PTPN4: variants seen among roughly 807,000 people sequenced by gnomAD.
PTPN4 encodes protein tyrosine phosphatase non-receptor type 4, also known as tyrosine-protein phosphatase non-receptor type 4.
A neutral mutation model predicts 135.5 loss-of-function variants in PTPN4; 49 were observed. The observed-to-expected ratio is 0.36, with a 90% CI of 0.29 to 0.46. The LOEUF (loss-of-function observed/expected upper bound fraction) is 0.46, where lower values mean the gene tolerates loss of function less well. PTPN4 is among the 20% of genes least tolerant of loss of function. PTPN4 has a pLI of 1.00. For synonymous variants in PTPN4, 333 were observed against 369.9 expected, an observed-to-expected ratio of 0.90 and a Z score of 1.14; for missense variants, 860 against 1,101.0, an observed-to-expected ratio of 0.78 and a Z score of 3.10.
At chr2:119,832,482 A>G (rs1677233763) in intron 2 of PTPN4, among the ~76,000 whole-genome samples, 1 of 151,924 alleles carries the variant, frequency 6.6e-6, no homozygotes, top group African/African-American at 2.4e-5. Flanking sequence ...TTTTTCTGAG[A>G]AAGTTTCTCC....
At chr2:119,879,891 CT>C (rs902003624) in intron 5 of PTPN4, among the ~76,000 whole-genome samples, 4 of 151,854 alleles carry the variant, frequency 2.6e-5, no homozygotes, top group Non-Finnish European at 5.9e-5. Context: ...TGAAAGTTGA[CT>C]CTGTTTGGTA....
chr2:119,783,924 G>A lies in PTPN4; in HGVS notation c.-18+23540G>A, dbSNP rs544815085. Reference sequence around the variant, plus strand: ...TCTGCTTGCTCATTGGCAATGGCTGGGGGTTGGAACACTTGGAGGTGGGGG... The same window carrying A: ...TCTGCTTGCTCATTGGCAATGGCTGAGGGTTGGAACACTTGGAGGTGGGGG... On this transcript the variant is annotated intron_variant, in intron 1 of 26. Transcript: ENST00000263708. Among the ~76,000 whole-genome samples, 6 of 152,304 alleles carry A rather than the reference G, an allele frequency of 3.9e-5. No individual in the cohort carries two copies. The South Asian group carries it at 1.2e-3, about 32-fold the overall frequency.
chr2:119,760,159 T>G lies in PTPN4; in HGVS notation c.-243T>G, dbSNP rs565593429. ...CAGGGAGGTAGGAGAGGTCGCCGGCTGCCCGCCTCCCTGCCACCTCCCCAG... is the reference window on the plus strand; with the variant it reads ...CAGGGAGGTAGGAGAGGTCGCCGGCGGCCCGCCTCCCTGCCACCTCCCCAG... On this transcript the variant is annotated 5_prime_UTR_variant, in exon 1 of 27. Coordinates refer to ENST00000263708, the MANE Select transcript of PTPN4 (RefSeq NM_002830.4). 30 of 393,064 alleles carry G rather than the reference T, an allele frequency of 7.6e-5. No individual in the cohort carries two copies. Among genetic ancestry groups the G allele is most frequent in the Middle Eastern group, 1.3e-3 (2 of 1,556 alleles). The allele number at this position is 393,064 out of a possible 1,614,324, so 24.3% of individuals were successfully genotyped here.
At chr2:119,880,469 G>A (rs1678054524) in intron 5 of PTPN4, among the ~76,000 whole-genome samples, 2 of 149,462 alleles carry the variant, frequency 1.3e-5, no homozygotes, top group Non-Finnish European at 1.5e-5. Context: ...TCACTCTGTC[G>A]CCTAGGCTGG....
intron 13 of PTPN4, among the ~76,000 whole-genome samples, chr2:119,928,297 C>T (rs982675766): frequency 6.6e-6 from 1 of 151,986 alleles, no homozygotes; most frequent in African/African-American, 2.4e-5. Context: ...TCCCTGCCTC[C>T]AGAGTAGGAG....
In PTPN4 at chr2:119,765,004, G is replaced by A. The variant is rs986918028; in HGVS notation, c.-18+4620G>A. ...AGTCAAATCTGGTGTGGAATCTAGC[G>A]TCAAAAACCTCGGGCAAACTGTCTG... On this transcript the variant is annotated intron_variant, in intron 1 of 26. Coordinates refer to ENST00000263708, the MANE Select transcript of PTPN4 (RefSeq NM_002830.4). Among the ~76,000 whole-genome samples the A allele has an allele frequency of 6.6e-5, 10 of 152,178 alleles. No homozygotes were observed. In the South Asian group the frequency reaches 8.3e-4, roughly 13 times the overall value.
intron 2 of PTPN4, among the ~76,000 whole-genome samples, chr2:119,812,056 A>C (rs1231541859): frequency 1.3e-5 from 2 of 152,174 alleles, no homozygotes. Flanking sequence ...TATTTATGAA[A>C]AATTGCTGGT....
At chr2:119,809,003 G>GT (rs1457918788) in intron 1 of PTPN4, among the ~76,000 whole-genome samples, 1 of 152,014 alleles carries the variant, frequency 6.6e-6, no homozygotes, top group African/African-American at 2.4e-5. Context: ...AGTTTAGTGT[G>GT]TTTCCTTTAC....
At chr2:119,895,226 C>T (rs892833118) in intron 9 of PTPN4, among the ~76,000 whole-genome samples, 5 of 152,166 alleles carry the variant, frequency 3.3e-5, no homozygotes, top group South Asian at 4.1e-4. Flanking sequence ...AGAAAATTAA[C>T]GGCTGTCTCC....
chr2:119,915,330 G>A, intron 11 of PTPN4, 88 bp downstream of exon 11: 1 of 1,109,624 alleles, frequency 9.0e-7, no homozygotes, highest in South Asian at 1.7e-5. Context: ...ATTAGTACAA[G>A]TGAAAGTGCA....
In PTPN4 at chr2:119,982,312, T is replaced by C. The variant is rs1679707690; in HGVS notation, c.*5242T>C. ...TTTAAAGGAGATAAAATGTTATTTG[T>C]GTGTCTTTCATGCTGTAAAGAAAAT... On this transcript the variant is annotated 3_prime_UTR_variant, in exon 27 of 27. Coordinates refer to ENST00000263708, the MANE Select transcript of PTPN4 (RefSeq NM_002830.4). 6.6e-6 allele frequency: 1 copy of C among 152,180 alleles called. No homozygotes were observed. The highest frequency in any genetic ancestry group is 2.4e-5 in the African/African-American group (1 of 41,460). 9.4% of individuals were successfully genotyped at this position (152,180 alleles called of 1,614,324 possible). A position where few individuals can be genotyped will look rare whatever the true frequency, so the allele number is the denominator to read the frequency against.
At position 119,862,562 on chromosome 2, in the gene PTPN4, G is replaced by T; in HGVS notation, c.165G>T (p.Leu55Phe). 1 of 1,610,834 alleles carries T rather than the reference G, an allele frequency of 6.2e-7. No homozygotes were observed. The highest frequency in any genetic ancestry group is 8.5e-7 in the Non-Finnish European group (1 of 1,178,638). Reference protein sequence around the residue: ...VNKHDQGQVLLDVVFKHLDLT... With the variant: ...VNKHDQGQVLFDVVFKHLDLT... The stretch of plus-strand genomic sequence containing the variant: ...AACATGATCAGGGGCAAGTCTTGTT[G>T]GATGTCGTCTTCAAGCATCTAGATT... The change falls in exon 3 of 27, where the codon TTG (leucine) becomes TTT (phenylalanine). Residue 55 changes from leucine (L) to phenylalanine (F), a missense_variant. By Grantham distance (22) the Leu-to-Phe change is conservative. Coordinates refer to ENST00000263708, the MANE Select transcript of PTPN4 (RefSeq NM_002830.4).
intron 2 of PTPN4, among the ~76,000 whole-genome samples, chr2:119,838,936 C>A (rs1377101445): frequency 1.3e-5 from 2 of 152,168 alleles, no homozygotes; most frequent in African/African-American, 4.8e-5. Context: ...TTACCAATTA[C>A]ATTTATCTCT....
chr2:119,839,268 C>T (rs554005411), intron 2 of PTPN4, among the ~76,000 whole-genome samples: 1 of 152,214 alleles, frequency 6.6e-6, no homozygotes, highest in East Asian at 1.9e-4. Flanking sequence ...TTTTTTCAGT[C>T]TTGTATTTTT....
chr2:119,832,082 T>C (rs532915764), intron 2 of PTPN4, among the ~76,000 whole-genome samples: 3 of 152,354 alleles, frequency 2.0e-5, no homozygotes, highest in Admixed American at 6.5e-5. Context: ...GGGTCTCTTA[T>C]TGTATATCCA....
chr2:119,965,363 A>G, intron 24 of PTPN4, 134 bp from the exon 25 acceptor site: 1 of 861,640 alleles, frequency 1.2e-6, no homozygotes, highest in South Asian at 1.8e-5. Context: ...CTAGTGATCA[A>G]TGCTAAGTGT....
At position 119,777,008 on chromosome 2, in the gene PTPN4, C is replaced by T. The variant is rs187606942; in HGVS notation, c.-18+16624C>T. Among the ~76,000 whole-genome samples, 353 of 152,278 alleles carry T rather than the reference C, an allele frequency of 2.3e-3. 3 individuals are homozygous for T. Among genetic ancestry groups the T allele is most frequent in the Middle Eastern group, 6.8e-3 (2 of 294 alleles). ...TGCTCTTTTGCTCAAAATCCTTTAACGGCTTCCATTCTTTCTTAGAGTAAA... is the reference window on the plus strand; with the variant it reads ...TGCTCTTTTGCTCAAAATCCTTTAATGGCTTCCATTCTTTCTTAGAGTAAA... On this transcript the variant is annotated intron_variant, in intron 1 of 26. Transcript: ENST00000263708.
At chr2:119,848,595 A>T (rs1677542009) in intron 2 of PTPN4, among the ~76,000 whole-genome samples, 3 of 147,952 alleles carry the variant, frequency 2.0e-5, no homozygotes, top group African/African-American at 7.5e-5. Flanking sequence ...CTCTTAATTT[A>T]TCTTCTTTTT....
chr2:119,935,439 CA>C (rs1430420472), intron 15 of PTPN4, among the ~76,000 whole-genome samples: 18 of 152,112 alleles, frequency 1.2e-4, no homozygotes, highest in African/African-American at 4.1e-4. Context: ...TGAGTGCGAT[CA>C]GGGGTAAAGA....
Sources: allele counts gnomAD v4.1 joint callset (sites outside exome capture counted in the v4.1 genomes callset), GRCh38; gene constraint gnomAD v4.1.1; transcripts MANE v1.5; gene names NCBI Gene and HGNC (gene_info 2026-07-23, HGNC 2026-07-21).